MAP3K5: variants seen among roughly 807,000 people sequenced by gnomAD.
MAP3K5 encodes ASK-1.
MAP3K5 carries 56 observed loss-of-function variants against 158.7 expected under a neutral mutation model. That is an observed-to-expected ratio of 0.35 (90% CI 0.28 to 0.44). MAP3K5 has a LOEUF of 0.44. MAP3K5 is among the 20% of genes least tolerant of loss of function. The pLI, the probability that MAP3K5 is intolerant of heterozygous loss-of-function variation, is 1.00. For missense variants in MAP3K5, 1,294 were observed against 1,674.8 expected (o/e 0.77, Z 3.97); for synonymous variants, 579 against 601.7 (o/e 0.96, Z 0.55).
chr6:136,709,887 G>A (rs971904803), intron 2 of MAP3K5, among the ~76,000 whole-genome samples: 5 of 152,076 alleles, frequency 3.3e-5, no homozygotes, highest in African/African-American at 4.8e-5. Flanking sequence ...AGCTATGATC[G>A]CACCACTGCA....
At chr6:136,639,378 A>C (rs994291068) in intron 13 of MAP3K5, among the ~76,000 whole-genome samples, 165 bp downstream of exon 13, 10 of 151,804 alleles carry the variant, frequency 6.6e-5, no homozygotes, top group African/African-American at 1.7e-4. Context: ...ACCCCCCCCC[A>C]AAATCTGTTA....
chr6:136,581,496 T>C (rs1011973715), intron 24 of MAP3K5, among the ~76,000 whole-genome samples: 30 of 152,238 alleles, frequency 2.0e-4, no homozygotes, highest in African/African-American at 6.3e-4. Flanking sequence ...TCTGAGTATC[T>C]ATAGTATGAT....
rs543458064 is a variant in MAP3K5 at position 136,671,151 on chromosome 6, T to G, written c.1254-1756A>C. Among the ~76,000 whole-genome samples the G allele has an allele frequency of 2.0e-5, 3 of 152,282 alleles. No homozygotes were observed. In the East Asian group the frequency reaches 5.8e-4, roughly 29 times the overall value. ...ATTTTTCATTAAATACATTATGGCA[T>G]TTTCCCTGAAACCAAAGAACATGAA... is the stretch of plus-strand genomic sequence containing the variant. On this transcript the variant is annotated intron_variant, in intron 7 of 29. Coordinates refer to ENST00000359015, the MANE Select transcript of MAP3K5 (RefSeq NM_005923.4).
At chr6:136,785,788 G>A (rs895566145) in intron 1 of MAP3K5, among the ~76,000 whole-genome samples, 1 of 152,112 alleles carries the variant, frequency 6.6e-6, no homozygotes, top group East Asian at 1.9e-4. Flanking sequence ...GCTACTCAGA[G>A]GTGGATGAAA....
At chr6:136,675,779 T>TA (rs1172127762) in intron 7 of MAP3K5, among the ~76,000 whole-genome samples, 1 of 151,836 alleles carries the variant, frequency 6.6e-6, no homozygotes, top group African/African-American at 2.4e-5. Flanking sequence ...ATCAGTGAAA[T>TA]AAAAAGCAAA....
At chr6:136,775,624 G>A (rs1448530334) in intron 1 of MAP3K5, among the ~76,000 whole-genome samples, 1 of 152,174 alleles carries the variant, frequency 6.6e-6, no homozygotes, top group African/African-American at 2.4e-5. Flanking sequence ...CATACAGTGT[G>A]AAAACAGAAA....
intron 25 of MAP3K5, among the ~76,000 whole-genome samples, chr6:136,571,832 T>C (rs1030276674): frequency 6.6e-6 from 1 of 152,240 alleles, no homozygotes. Context: ...GGAGCCATCA[T>C]ACTGTTTTCC....
intron 1 of MAP3K5, among the ~76,000 whole-genome samples, chr6:136,773,625 T>C (rs889592951): frequency 6.6e-6 from 1 of 152,044 alleles, no homozygotes; most frequent in South Asian, 2.1e-4. Context: ...TTGCCCATTT[T>C]TTGTTGTTGT....
intron 14 of MAP3K5, among the ~76,000 whole-genome samples, chr6:136,625,410 C>T (rs533596155): frequency 2.6e-5 from 4 of 152,260 alleles, no homozygotes; most frequent in African/African-American, 7.2e-5. Flanking sequence ...CTAGTGCCTA[C>T]GCCAGGCAAA....
chr6:136,614,723 T>C (rs1184106307), intron 15 of MAP3K5, among the ~76,000 whole-genome samples: 1 of 152,232 alleles, frequency 6.6e-6, no homozygotes, highest in African/African-American at 2.4e-5. Context: ...CACAACTTTA[T>C]TATTGACTAT....
chr6:136,718,249 G>A (rs758625985), intron 2 of MAP3K5, among the ~76,000 whole-genome samples: 10 of 151,898 alleles, frequency 6.6e-5, no homozygotes, highest in South Asian at 2.1e-4. Context: ...TTGCTGTGTC[G>A]CCCAGGCTGG....
chr6:136,735,610 G>A (rs963290181), intron 1 of MAP3K5, among the ~76,000 whole-genome samples: 2 of 152,110 alleles, frequency 1.3e-5, no homozygotes, highest in African/African-American at 2.4e-5. Flanking sequence ...GCAGAGGATC[G>A]CTTGAGTTCG....
At chr6:136,771,644 G>A (rs548761452) in intron 1 of MAP3K5, among the ~76,000 whole-genome samples, 10 of 152,264 alleles carry the variant, frequency 6.6e-5, no homozygotes, top group Admixed American at 2.0e-4. Context: ...CTGGGTAGGC[G>A]TGCTCTGAAG....
intron 1 of MAP3K5, among the ~76,000 whole-genome samples, chr6:136,757,905 C>A (rs1783577770): frequency 6.6e-6 from 1 of 152,020 alleles, no homozygotes; most frequent in Non-Finnish European, 1.5e-5. Flanking sequence ...ATCTTAGAGG[C>A]TTCTTTTCAT....
At chr6:136,769,081 A>T (rs1784074164) in intron 1 of MAP3K5, among the ~76,000 whole-genome samples, 1 of 152,220 alleles carries the variant, frequency 6.6e-6, no homozygotes, top group Admixed American at 6.5e-5. Flanking sequence ...CATGACAGTC[A>T]AAAAGTGGAA....
chr6:136,659,421 C>T (rs905893171), intron 8 of MAP3K5, 43 bp from the exon 9 acceptor site: 7 of 1,580,332 alleles, frequency 4.4e-6, no homozygotes, highest in Non-Finnish European at 6.1e-6. Flanking sequence ...ATGCACCCCA[C>T]ACAGGTAGAA....
At chr6:136,744,450 G>A (rs1371371113) in intron 1 of MAP3K5, among the ~76,000 whole-genome samples, 1 of 151,958 alleles carries the variant, frequency 6.6e-6, no homozygotes, top group Non-Finnish European at 1.5e-5. Flanking sequence ...ATGGTGTCAG[G>A]GTTATAAGGA....
At chr6:136,721,838 C>A (rs1156484825) in intron 1 of MAP3K5, among the ~76,000 whole-genome samples, 1 of 152,036 alleles carries the variant, frequency 6.6e-6, no homozygotes, top group Non-Finnish European at 1.5e-5. Context: ...GGCAACAGAG[C>A]AAGACCCCTA....
At chr6:136,666,037 TG>T (rs1197180071) in intron 8 of MAP3K5, among the ~76,000 whole-genome samples, 2 of 152,214 alleles carry the variant, frequency 1.3e-5, no homozygotes. Context: ...CCACAGAAGA[TG>T]GAAGCATCAT....
Sources: gnomAD v4.1 joint callset for allele counts (sites outside exome capture counted in the v4.1 genomes callset) on GRCh38, gnomAD v4.1.1 for gene constraint, MANE v1.5 for transcripts, NCBI Gene and HGNC (gene_info 2026-07-23, HGNC 2026-07-21) for gene names.